SP7: variants seen among roughly 807,000 people sequenced by gnomAD.
SP7 encodes the protein Sp7 transcription factor.
Under a neutral mutation model 27.9 loss-of-function variants are expected in SP7, and 13 were observed. The observed-to-expected ratio is 0.47, with a 90% CI of 0.30 to 0.74. The LOEUF (loss-of-function observed/expected upper bound fraction) is 0.74. SP7 is among the 30% of genes least tolerant of loss of function. The pLI, the probability that SP7 is intolerant of heterozygous loss-of-function variation, is 0.06. For synonymous variants in SP7, 219 were observed against 226.7 expected (o/e 0.97, Z 0.31); for missense variants, 525 against 558.0 (o/e 0.94, Z 0.60).
upstream of SP7, among the ~76,000 whole-genome samples, chr12:53,340,551 C>A (rs1592538320): frequency 6.6e-6 from 1 of 152,202 alleles, no homozygotes; most frequent in South Asian, 2.1e-4. Flanking sequence ...TCCCTACCCC[C>A]ACCCAGGCCC....
At chr12:53,334,192 C>A (rs1272624215) in intron 2 of SP7, among the ~76,000 whole-genome samples, 11 of 152,300 alleles carry the variant, frequency 7.2e-5, no homozygotes, top group Non-Finnish European at 8.8e-5. Flanking sequence ...TGGCTGGATA[C>A]AGAGTGTGAC....
chr12:53,330,912 G>A (rs1387827590), intron 2 of SP7, among the ~76,000 whole-genome samples: 1 of 152,196 alleles, frequency 6.6e-6, no homozygotes, highest in African/African-American at 2.4e-5. Flanking sequence ...CAGGGCTGCC[G>A]CCAAGCCCAA....
rs1283483025 is a variant in SP7 at position 53,344,504 on chromosome 12, C to T, written c.-34+610G>A. Among the ~76,000 whole-genome samples, 2 of 152,164 alleles carry T rather than the reference C, an allele frequency of 1.3e-5. No homozygotes were observed. Among genetic ancestry groups the T allele is most frequent in the African/African-American group, 4.8e-5 (2 of 41,436 alleles). On this transcript the variant is annotated intron_variant, in intron 1 of 1. Coordinates refer to the SP7 transcript ENST00000547755. The surrounding 1 kb of genome is among the most constrained non-coding windows in gnomAD (Gnocchi z 4.6). ...ATGAAGGTCCTTGGGACTCAGCTAC[C>T]AACATTAACACCTCCTCCCCACATA...
chr12:53,340,729 G>A (rs993500377), upstream of SP7, among the ~76,000 whole-genome samples: 1 of 152,162 alleles, frequency 6.6e-6, no homozygotes, highest in South Asian at 2.1e-4. Context: ...ATACTCCAGC[G>A]ACAGAGAACA....
rs377318859 is a variant in SP7, at chr12:53,328,933, C to T, written c.509G>A (p.Gly170Asp). 36 of 1,611,370 alleles carry T rather than the reference C, an allele frequency of 2.2e-5. No homozygotes were observed. Among genetic ancestry groups the T allele is most frequent in the Non-Finnish European group, 3.0e-5 (35 of 1,178,818 alleles). ...CAGCCCATCACCCTGGCCCTGCCCA[C>T]CACCTAGCCAGTTGCCTCCAGGGTG... ...DMHPGGNWLGGGQGQGDGLQG... is the reference protein window; with the variant it reads ...DMHPGGNWLGDGQGQGDGLQG... Residue 170 changes from glycine (G) to aspartate (D), a missense_variant, in exon 3 of 3, where the codon GGT becomes GAT. By Grantham distance (94) the Gly-to-Asp change is moderately conservative (BLOSUM62 -1). Coordinates refer to ENST00000536324, the MANE Select transcript of SP7 (RefSeq NM_001173467.3). The surrounding 1 kb of genome is among the most constrained non-coding windows in gnomAD (Gnocchi z 5.1).
intron 1 of SP7, among the ~76,000 whole-genome samples, 182 bp downstream of exon 1, chr12:53,335,964 C>T (rs973831243): frequency 1.3e-5 from 2 of 151,100 alleles, no homozygotes; most frequent in African/African-American, 2.4e-5. Flanking sequence ...GAAAAAGGGG[C>T]GCCCATGGAA....
intron 2 of SP7, among the ~76,000 whole-genome samples, chr12:53,332,338 A>C (rs1033640853): frequency 6.6e-6 from 1 of 152,174 alleles, no homozygotes; most frequent in African/African-American, 2.4e-5. Context: ...GCACTTTGGG[A>C]GGCCAAGTGG....
At chr12:53,339,621 A>G (rs935385421), upstream of SP7, among the ~76,000 whole-genome samples, 54 of 151,580 alleles carry the variant, frequency 3.6e-4, no homozygotes, top group African/African-American at 1.2e-3. Flanking sequence ...GCTACTTGGG[A>G]GGCTGAGGCA....
chr12:53,331,071 C>G (rs1403931530), intron 2 of SP7, among the ~76,000 whole-genome samples: 1 of 152,212 alleles, frequency 6.6e-6, no homozygotes, highest in Non-Finnish European at 1.5e-5. Context: ...GATACTGGCC[C>G]ACAGCCACAC....
intron 1 of SP7, among the ~76,000 whole-genome samples, chr12:53,343,191 GA>G (rs200440503): frequency 3.3e-4 from 48 of 143,728 alleles, no homozygotes; most frequent in Admixed American, 1.9e-3. Flanking sequence ...TTGTCTAAAA[GA>G]AAAAAAAAAG....
At chr12:53,331,489 GA>G (rs66680156) in intron 2 of SP7, among the ~76,000 whole-genome samples, 50 of 90,940 alleles carry the variant, frequency 5.5e-4, no homozygotes, top group African/African-American at 1.6e-3. Context: ...AAAAAAAAAA[GA>G]AAGGCAAAGG....
chr12:53,332,664 G>C (rs1324214778), intron 2 of SP7, among the ~76,000 whole-genome samples: 1 of 152,152 alleles, frequency 6.6e-6, no homozygotes, highest in Non-Finnish European at 1.5e-5. Flanking sequence ...CTAAGAAGGA[G>C]AGATGATGGA....
In SP7 at chr12:53,344,788, T is replaced by C. The variant is rs867352028; in HGVS notation, c.-34+326A>G. 9.3e-5 allele frequency among the ~76,000 whole-genome samples: 14 copies of C among 149,952 alleles called. No individual in the cohort carries two copies. Among genetic ancestry groups the C allele is most frequent in the South Asian group, 4.3e-4 (2 of 4,670 alleles). ...CGCCGGGGATCTCGCCTCCATCCCGTGCCTCAGTGTCCCGGCGCGGCCGAG... is the reference window on the plus strand; with the variant it reads ...CGCCGGGGATCTCGCCTCCATCCCGCGCCTCAGTGTCCCGGCGCGGCCGAG... On this transcript the variant is annotated intron_variant, in intron 1 of 1. Coordinates refer to the SP7 transcript ENST00000547755. The surrounding 1 kb of genome is among the most constrained non-coding windows in gnomAD (Gnocchi z 4.6).
Position 53,328,425 on chromosome 12 carries a change from A to G in SP7, c.1017T>C (p.Asp339=). The change falls in exon 3 of 3, where the codon GAT becomes GAC. Residue 339 remains aspartate (D), a synonymous_variant. Transcript: ENST00000536324. This position sits in a 1 kb window ranked among gnomAD's most constrained non-coding sequence, Gnocchi z 5.1. ...LFCGKRFTRS[D]ELERHVRTHT... Reference sequence around the variant, plus strand: ...GAGTGCGCACATGACGCTCCAGCTCATCCGAACGAGTGAACCTCTTGCCGC... The same window carrying G: ...GAGTGCGCACATGACGCTCCAGCTCGTCCGAACGAGTGAACCTCTTGCCGC... 6.2e-7 allele frequency: 1 copy of G among 1,613,964 alleles called. No homozygotes were observed. Among genetic ancestry groups the G allele is most frequent in the Non-Finnish European group, 8.5e-7 (1 of 1,179,862 alleles).
Position 53,335,666 on chromosome 12 carries a change from T to C in SP7, c.-20A>G, listed in dbSNP as rs1592535669. On this transcript the variant is annotated 5_prime_UTR_variant, in exon 2 of 3. Transcript: ENST00000536324. ...CGCCATCCTGAGGCTGGGGAACGGG[T>C]CCCAAGGAGCCAGGCAGATGGAGAG... 7.7e-7 allele frequency: 1 copy of C among 1,291,530 alleles called. No individual in the cohort carries two copies. The allele number at this position is 1,291,530 out of a possible 1,614,324, so 80.0% of individuals were successfully genotyped here.
intron 1 of SP7, among the ~76,000 whole-genome samples, chr12:53,341,842 C>T (rs1458347937): frequency 5.9e-5 from 9 of 152,162 alleles, no homozygotes; most frequent in African/African-American, 1.9e-4. Context: ...GGGCGGATCA[C>T]GAGGTCAGGA....
At position 53,341,422 on chromosome 12, in the gene SP7, C is replaced by T. The variant is rs373097334; in HGVS notation, c.-34+3692G>A. On this transcript the variant is annotated intron_variant, in intron 1 of 1. Transcript: ENST00000547755. ...GGAAGAGGAAGACTGGGGTCTGATTCTGAAACAAGGGGACCTGTCCTGGAT... is the reference window on the plus strand; with the variant it reads ...GGAAGAGGAAGACTGGGGTCTGATTTTGAAACAAGGGGACCTGTCCTGGAT... Among the ~76,000 whole-genome samples the T allele has an allele frequency of 2.0e-5, 3 of 152,202 alleles. No homozygotes were observed. The East Asian group carries it at 5.8e-4, about 29-fold the overall frequency.
intron 1 of SP7, among the ~76,000 whole-genome samples, chr12:53,343,229 G>T (rs1238140559): frequency 1.3e-5 from 2 of 152,024 alleles, no homozygotes; most frequent in African/African-American, 4.8e-5. Flanking sequence ...AGGGGGAAGA[G>T]TATATGCAAA....
At chr12:53,338,713 A>G (rs557550240), upstream of SP7, among the ~76,000 whole-genome samples, 2 of 152,280 alleles carry the variant, frequency 1.3e-5, no homozygotes, top group Admixed American at 1.3e-4. Context: ...AAGGAGGAGC[A>G]GAGTCCCAGG....
Sources: allele counts gnomAD v4.1 joint callset (sites outside exome capture counted in the v4.1 genomes callset), GRCh38; gene constraint gnomAD v4.1.1; non-coding constraint Gnocchi (gnomAD v3.1); transcripts MANE v1.5; gene names NCBI Gene and HGNC (gene_info 2026-07-23, HGNC 2026-07-21).